Variants in DOCK2 observed in about 807,000 individuals in gnomAD.
The protein encoded by DOCK2 is dedicator of cytokinesis 2, also known as dedicator of cytokinesis protein 2.
In DOCK2, 87 loss-of-function variants were observed where a neutral mutation model predicts 248.9. The ratio of observed to expected loss-of-function variants is 0.35; its 90% CI spans 0.29 to 0.42. The LOEUF (loss-of-function observed/expected upper bound fraction) is 0.42, where lower values mean the gene tolerates loss of function less well. Among genes scored for constraint, DOCK2 ranks in the 10% least tolerant of loss-of-function variants. DOCK2 has a pLI of 1.00. For synonymous variants in DOCK2, 805 were observed against 821.6 expected (o/e 0.98, Z 0.35); for missense variants, 1,747 against 2,300.2 (o/e 0.76, Z 4.92).
At chr5:169,840,421 A>G (rs1289705213) in intron 26 of DOCK2, among the ~76,000 whole-genome samples, 2 of 152,198 alleles carry the variant, frequency 1.3e-5, no homozygotes, top group East Asian at 3.9e-4. Flanking sequence ...GATCCAAACC[A>G]TATAATAACT....
intron 27 of DOCK2, among the ~76,000 whole-genome samples, chr5:169,903,116 G>A (rs1016639840): frequency 4.0e-5 from 6 of 151,462 alleles, no homozygotes; most frequent in East Asian, 3.9e-4. Flanking sequence ...AGAAAGAAAG[G>A]GGTGAATTTC....
intron 25 of DOCK2, among the ~76,000 whole-genome samples, chr5:169,793,029 T>A (rs1766444679): frequency 6.6e-6 from 1 of 152,134 alleles, no homozygotes; most frequent in Admixed American, 6.5e-5. Flanking sequence ...CTAGTAGCTT[T>A]CAGAAGGCGT....
chr5:169,841,479 G>A (rs977010935), intron 27 of DOCK2: 32 of 984,026 alleles, frequency 3.3e-5, no homozygotes, highest in Non-Finnish European at 3.7e-5. Flanking sequence ...TCAGGGGCCA[G>A]TCACCAACAT....
At chr5:169,806,405 T>A (rs1767364804) in intron 26 of DOCK2, among the ~76,000 whole-genome samples, 1 of 151,984 alleles carries the variant, frequency 6.6e-6, no homozygotes, top group Non-Finnish European at 1.5e-5. Context: ...TGCCTTGGCC[T>A]CCCAAAGTGC....
At chr5:169,827,655 A>G (rs30085) in intron 26 of DOCK2, among the ~76,000 whole-genome samples, 29,884 of 152,118 alleles carry the variant, frequency 0.2, 3,475 homozygotes, top group East Asian at 0.4. Context: ...ACCAGAAACT[A>G]TAGATCGGAA....
At position 169,827,863 on chromosome 5, in the gene DOCK2, T is replaced by TG. The variant is rs1554105818; in HGVS notation, c.2704-12894_2704-12893insG. ...ATCATTGGTGACAATTAGAAAACATTAAAAACACACACACACACACACATG... is the reference window on the plus strand; with the variant it reads ...ATCATTGGTGACAATTAGAAAACATTGAAAAACACACACACACACACACATG... On this transcript the variant is annotated intron_variant, in intron 26 of 51. Coordinates refer to ENST00000520908, the MANE Select transcript of DOCK2 (RefSeq NM_004946.3). Among the ~76,000 whole-genome samples, 123 of 137,846 alleles carry TG rather than the reference T, an allele frequency of 8.9e-4. 1 individual carries two copies. The highest frequency in any genetic ancestry group is 1.5e-3 in the Non-Finnish European group (96 of 65,630). The allele number at this position is 137,846 out of a possible 152,430, so 90.4% of individuals were successfully genotyped here. A position where few individuals can be genotyped will look rare whatever the true frequency, so the allele number is the denominator to read the frequency against.
intron 44 of DOCK2, 136 bp downstream of exon 44, chr5:170,057,802 T>A: frequency 1.4e-6 from 1 of 739,136 alleles, no homozygotes; most frequent in Non-Finnish European, 2.1e-6. Flanking sequence ...AGAATTCCCA[T>A]GCAGGCAGCA....
At chr5:169,835,259 G>GTTTTTTTTTTTTTTT (rs763950012) in intron 26 of DOCK2, among the ~76,000 whole-genome samples, 3 of 138,610 alleles carry the variant, frequency 2.2e-5, no homozygotes. Context: ...TGAAATGCCT[G>GTTTTTTTTTTTTTTT]GTTTTTTTTT....
chr5:170,077,702 C>G lies in DOCK2; in HGVS notation c.4867-8C>G. On this transcript the variant is annotated splice_polypyrimidine_tract_variant and splice_region_variant and intron_variant, in intron 47 of 51. Coordinates refer to ENST00000520908, the MANE Select transcript of DOCK2 (RefSeq NM_004946.3). ...ACAGCTGCTAACCACCCTGTTCTCCCACCACAGCCTGACTTTGACGACAGG... is the reference window on the plus strand; with the variant it reads ...ACAGCTGCTAACCACCCTGTTCTCCGACCACAGCCTGACTTTGACGACAGG... 1 of 1,613,614 alleles carries G rather than the reference C, an allele frequency of 6.2e-7. No individual in the cohort carries two copies. The highest frequency in any genetic ancestry group is 8.5e-7 in the Non-Finnish European group (1 of 1,179,770).
chr5:169,715,742 C>A (rs1386951901), intron 19 of DOCK2, among the ~76,000 whole-genome samples: 1 of 152,024 alleles, frequency 6.6e-6, no homozygotes, highest in Non-Finnish European at 1.5e-5. Context: ...AGGATACAGA[C>A]CACTTTTAGC....
intron 27 of DOCK2, among the ~76,000 whole-genome samples, chr5:169,878,198 G>A (rs1366984276): frequency 1.3e-5 from 2 of 152,116 alleles, no homozygotes; most frequent in African/African-American, 4.8e-5. Context: ...GAGGGACCTC[G>A]TGCCCTTGAG....
chr5:169,770,733 TA>T lies in DOCK2; in HGVS notation c.2554+9109del, dbSNP rs548712652. Among the ~76,000 whole-genome samples, 16 of 147,976 alleles carry T rather than the reference TA, an allele frequency of 1.1e-4. No homozygotes were observed. The South Asian group carries it at 1.1e-3, about 10-fold the overall frequency. On this transcript the variant is annotated intron_variant, in intron 25 of 51. Transcript: ENST00000520908. ...GAACTGTTGATAATTTGAAGGAATT[TA>T]TTTTTTTTACTTAATATTAAACTAG...
Position 170,083,109 on chromosome 5 carries a change from A to G in DOCK2, c.*251A>G, listed in dbSNP as rs1758091630. The G allele has an allele frequency of 2.0e-6, 1 of 503,380 alleles. No individual in the cohort carries two copies. The highest frequency in any genetic ancestry group is 3.6e-6 in the Non-Finnish European group (1 of 281,384). 31.2% of individuals were successfully genotyped at this position (503,380 alleles called of 1,614,324 possible). ...TCCTGAACTCAAGGTACCAGCAAGA[A>G]TGCCTTCTCCCAGTGTGCTCTCCCC... is the stretch of plus-strand genomic sequence containing the variant. On this transcript the variant is annotated 3_prime_UTR_variant, in exon 52 of 52. Coordinates refer to ENST00000520908, the MANE Select transcript of DOCK2 (RefSeq NM_004946.3).
rs1758093119 is a variant in DOCK2, at chr5:170,083,144, G to A, written c.*286G>A. The A allele has an allele frequency of 5.2e-6, 2 of 381,410 alleles. No individual in the cohort carries two copies. The highest frequency in any genetic ancestry group is 4.0e-5 in the African/African-American group (2 of 49,412). The allele number at this position is 381,410 out of a possible 1,614,324, so 23.6% of individuals were successfully genotyped here. A position where few individuals can be genotyped will look rare whatever the true frequency, so the allele number is the denominator to read the frequency against. On this transcript the variant is annotated 3_prime_UTR_variant, in exon 52 of 52. Coordinates refer to ENST00000520908, the MANE Select transcript of DOCK2 (RefSeq NM_004946.3). The stretch of plus-strand genomic sequence containing the variant: ...CCAGTGTGCTCTCCCCAACATCCTA[G>A]GCACAGCTTTCATAACCCAGTTTCT...
At chr5:170,043,120 C>T (rs746535442) in intron 38 of DOCK2, among the ~76,000 whole-genome samples, 1 of 152,174 alleles carries the variant, frequency 6.6e-6, no homozygotes, top group Non-Finnish European at 1.5e-5. Flanking sequence ...GAAGTACCAG[C>T]CCCAAAACTG....
chr5:169,875,752 C>T (rs1465592428), intron 27 of DOCK2: 1 of 153,822 alleles, frequency 6.5e-6, no homozygotes, highest in East Asian at 1.9e-4. Flanking sequence ...ATAATGGATC[C>T]TCGGTAAGTG....
At chr5:170,035,070 A>G (rs906375061) in intron 35 of DOCK2, among the ~76,000 whole-genome samples, 3 of 152,220 alleles carry the variant, frequency 2.0e-5, no homozygotes, top group Non-Finnish European at 4.4e-5. Flanking sequence ...AATAACTAGA[A>G]TTGCTGTTAC....
intron 22 of DOCK2, among the ~76,000 whole-genome samples, chr5:169,727,545 A>G (rs1455497398): frequency 1.3e-5 from 2 of 152,222 alleles, no homozygotes; most frequent in Non-Finnish European, 2.9e-5. Flanking sequence ...CAGACCCAGC[A>G]GCTTGACGTC....
chr5:169,804,627 G>T (rs990364523), intron 26 of DOCK2, among the ~76,000 whole-genome samples: 5 of 152,200 alleles, frequency 3.3e-5, no homozygotes, highest in Non-Finnish European at 7.4e-5. Flanking sequence ...TGCAATCTGC[G>T]CATTCTCTCT....
Sources: gnomAD v4.1 joint callset for allele counts (sites outside exome capture counted in the v4.1 genomes callset) on GRCh38, gnomAD v4.1.1 for gene constraint, MANE v1.5 for transcripts, NCBI Gene and HGNC (gene_info 2026-07-23, HGNC 2026-07-21) for gene names.